The following PAPPA variants were observed in gnomAD, a reference collection of about 807,000 sequenced individuals.
The protein encoded by PAPPA is pappalysin 1.
Under a neutral mutation model 164.0 loss-of-function variants are expected in PAPPA, and 60 were observed. The observed-to-expected ratio is 0.37, with a 90% CI of 0.30 to 0.45. The LOEUF (loss-of-function observed/expected upper bound fraction) is 0.45. PAPPA is among the 20% of genes least tolerant of loss of function. The pLI, the probability that PAPPA is intolerant of heterozygous loss-of-function variation, is 1.00. For missense variants in PAPPA, 1,782 were observed against 2,087.3 expected (o/e 0.85, Z 2.85); for synonymous variants, 875 against 814.1 (o/e 1.07, Z -1.27).
At chr9:116,358,948 T>A (rs1846388021) in intron 17 of PAPPA, among the ~76,000 whole-genome samples, 1 of 152,208 alleles carries the variant, frequency 6.6e-6, no homozygotes, top group Non-Finnish European at 1.5e-5. Context: ...GCTCAGTATG[T>A]GTTAGGCTTT....
intron 7 of PAPPA, among the ~76,000 whole-genome samples, chr9:116,250,865 C>A (rs1172521413): frequency 2.0e-5 from 3 of 152,180 alleles, no homozygotes; most frequent in Non-Finnish European, 4.4e-5. Flanking sequence ...GAGTGTTGGA[C>A]ATTGGCCAGA....
rs768817562 is a variant in PAPPA at position 116,354,927 on chromosome 9, TC to T, written c.4347+1140del. Among the ~76,000 whole-genome samples, 5 of 151,614 alleles carry T rather than the reference TC, an allele frequency of 3.3e-5. No individual in the cohort carries two copies. The East Asian group carries it at 5.8e-4, about 18-fold the overall frequency. On this transcript the variant is annotated intron_variant, in intron 17 of 21. Transcript: ENST00000328252. ...TCCCCCATGCCAATAAGATGGATTT[TC>T]CCCCCACACCTCTGCATTCTCTACC...
chr9:116,274,385 T>C (rs533907113), intron 9 of PAPPA, among the ~76,000 whole-genome samples: 7 of 152,366 alleles, frequency 4.6e-5, no homozygotes, highest in Admixed American at 2.0e-4. Context: ...ATCGTGTAGC[T>C]GAAGTCTAGA....
chr9:116,201,710 C>A (rs79583860), intron 2 of PAPPA, among the ~76,000 whole-genome samples: 2,668 of 152,190 alleles, frequency 0.018, 63 homozygotes, highest in East Asian at 0.11. Context: ...ATTGAGATAC[C>A]AAGTGACAGG....
At chr9:116,228,947 C>A (rs1844551036) in intron 6 of PAPPA, among the ~76,000 whole-genome samples, 1 of 152,104 alleles carries the variant, frequency 6.6e-6, no homozygotes. Flanking sequence ...ATCTAGTGAG[C>A]CTGTCTCACT....
intron 9 of PAPPA, among the ~76,000 whole-genome samples, chr9:116,277,747 A>G (rs999444096): frequency 6.6e-6 from 1 of 151,998 alleles, no homozygotes; most frequent in Non-Finnish European, 1.5e-5. Flanking sequence ...CATGATCTGG[A>G]CTCACTGCAA....
At chr9:116,207,139 A>G (rs564393492) in intron 2 of PAPPA, among the ~76,000 whole-genome samples, 126 of 152,240 alleles carry the variant, frequency 8.3e-4, no homozygotes, top group African/African-American at 3.0e-3. Context: ...AAAGGAAAAC[A>G]TTGCTAAGTA....
At chr9:116,334,641 G>A (rs988574260) in intron 12 of PAPPA, among the ~76,000 whole-genome samples, 1 of 152,020 alleles carries the variant, frequency 6.6e-6, no homozygotes, top group Non-Finnish European at 1.5e-5. Flanking sequence ...GGGAAGCTTA[G>A]GGGGCAGGGA....
rs1284943977 is a variant in PAPPA, at chr9:116,317,418, TA to T, written c.3148-13825del. The stretch of plus-strand genomic sequence containing the variant: ...CTAAGACATCCCCCTTTAGTCTTAA[TA>T]GCTCTGAGCTGAGTGATGGAGATGT... On this transcript the variant is annotated intron_variant, in intron 10 of 21. Coordinates refer to ENST00000328252, the MANE Select transcript of PAPPA (RefSeq NM_002581.5). Among the ~76,000 whole-genome samples, 5 of 152,332 alleles carry T rather than the reference TA, an allele frequency of 3.3e-5. No homozygotes were observed. In the East Asian group the frequency reaches 9.7e-4, roughly 29 times the overall value.
chr9:116,211,841 C>T lies in PAPPA; in HGVS notation c.1827C>T (p.His609=), dbSNP rs576800849. 3.1e-6 allele frequency: 5 copies of T among 1,614,136 alleles called. No individual in the cohort carries two copies. Among genetic ancestry groups the T allele is most frequent in the African/African-American group, 1.3e-5 (1 of 75,038 alleles). ...LCNDTNPAPK[H]KSCGDPGPGN... ...ATGATACCAACCCAGCCCCTAAACACAAGTCCTGTGGTGACCCAGGGCCAG... is the reference window on the plus strand; with the variant it reads ...ATGATACCAACCCAGCCCCTAAACATAAGTCCTGTGGTGACCCAGGGCCAG... The change falls in exon 4 of 22, where the codon CAC becomes CAT. Residue 609 remains histidine, a synonymous_variant. Coordinates refer to ENST00000328252, the MANE Select transcript of PAPPA (RefSeq NM_002581.5).
intron 7 of PAPPA, among the ~76,000 whole-genome samples, chr9:116,264,628 C>T (rs1411820): frequency 0.54 from 82,082 of 151,968 alleles, 22,464 homozygotes; most frequent in East Asian, 0.68. Context: ...AACAGACGGG[C>T]AGGAGAACTT....
intron 7 of PAPPA, among the ~76,000 whole-genome samples, chr9:116,265,655 T>C (rs953213288): frequency 6.6e-6 from 1 of 152,234 alleles, no homozygotes; most frequent in African/African-American, 2.4e-5. Context: ...TGGTTATTAC[T>C]GTACATTTTA....
intron 6 of PAPPA, among the ~76,000 whole-genome samples, chr9:116,233,574 T>G (rs1163763605): frequency 1.3e-5 from 2 of 152,192 alleles, no homozygotes; most frequent in Non-Finnish European, 2.9e-5. Context: ...TTTCTTGCTG[T>G]GATGCATTAT....
At chr9:116,394,222 C>A (rs981483611) in intron 21 of PAPPA, among the ~76,000 whole-genome samples, 1 of 152,018 alleles carries the variant, frequency 6.6e-6, no homozygotes, top group Admixed American at 6.6e-5. Context: ...CAGGAAAGAT[C>A]GTGAAATACG....
chr9:116,370,087 G>T (rs965097598), intron 19 of PAPPA, among the ~76,000 whole-genome samples: 2 of 152,082 alleles, frequency 1.3e-5, no homozygotes. Context: ...GCTTTCTGAG[G>T]GTCTGCCTGC....
At chr9:116,348,078 G>A (rs191537524) in intron 15 of PAPPA, among the ~76,000 whole-genome samples, 1 of 152,294 alleles carries the variant, frequency 6.6e-6, no homozygotes, top group East Asian at 1.9e-4. Context: ...TTGGGGAAGT[G>A]TGACCTGGCT....
chr9:116,225,862 C>T (rs188508047), intron 5 of PAPPA, among the ~76,000 whole-genome samples: 2 of 152,180 alleles, frequency 1.3e-5, no homozygotes, highest in African/African-American at 4.8e-5. Context: ...TCCATCCATG[C>T]ATACACCCAT....
rs149280828 is a variant in PAPPA, at chr9:116,398,654, G to A, written c.*2038G>A. The A allele has an allele frequency of 2.4e-4, 145 of 601,816 alleles. 1 individual carries two copies. In the East Asian group the frequency reaches 8.4e-3, roughly 35 times the overall value. The allele number at this position is 601,816 out of a possible 1,614,324, so 37.3% of individuals were successfully genotyped here. On this transcript the variant is annotated 3_prime_UTR_variant, in exon 22 of 22. Coordinates refer to ENST00000328252, the MANE Select transcript of PAPPA (RefSeq NM_002581.5). ...TTTTGGCACAGGTGCCCACAAATAC[G>A]GATGCAGTGCTGAGATAGTTTATGA... is the stretch of plus-strand genomic sequence containing the variant.
At position 116,271,050 on chromosome 9, in the gene PAPPA, T is replaced by C. The variant is rs1454376092; in HGVS notation, c.2862-275T>C. Among the ~76,000 whole-genome samples the C allele has an allele frequency of 1.3e-5, 2 of 152,212 alleles. No individual in the cohort carries two copies. The highest frequency in any genetic ancestry group is 2.9e-5 in the Non-Finnish European group (2 of 68,034). The stretch of plus-strand genomic sequence containing the variant: ...TTAGTTCTTCCATGTCTTACTCCCA[T>C]CTGACTTAACTGACTTGAGATCTCA... On this transcript the variant is annotated intron_variant, in intron 8 of 21. Transcript: ENST00000328252. This position sits in a 1 kb window ranked among gnomAD's most constrained non-coding sequence, Gnocchi z 4.2.
Sources: allele counts gnomAD v4.1 joint callset (sites outside exome capture counted in the v4.1 genomes callset), GRCh38; gene constraint gnomAD v4.1.1; non-coding constraint Gnocchi (gnomAD v3.1); transcripts MANE v1.5; gene names NCBI Gene and HGNC (gene_info 2026-07-23, HGNC 2026-07-21).